Variants in PCM1 observed in about 807,000 individuals in gnomAD.
PCM1 encodes the protein pericentriolar material 1 protein.
A neutral mutation model predicts 241.9 loss-of-function variants in PCM1; 157 were observed. That is an observed-to-expected ratio of 0.65 (90% CI 0.57 to 0.74). PCM1 has a LOEUF of 0.74. Ranked by LOEUF, PCM1 falls within the 30% of genes least tolerant of loss-of-function variation. The pLI is 0.00. For missense variants in PCM1, 3,478 were observed against 2,360.1 expected (o/e 1.47, Z -9.81); for synonymous variants, 1,085 against 784.9 (o/e 1.38, Z -6.39).
At position 17,964,613 on chromosome 8, in the gene PCM1, A is replaced by T. The variant is rs774023888; in HGVS notation, c.2700A>T (p.Glu900Asp). The change falls in exon 18 of 39, where the codon GAA (glutamate) becomes GAT (aspartate). Residue 900 changes from glutamate to aspartate, a missense_variant. Physicochemically the swap from Glu to Asp is conservative, Grantham distance 45. Transcript: ENST00000325083. ...GGTCTACCCAGTGTGCACTAGATGA[A>T]GAAGGAGATGAAGACGGTTACCTTT... ...WGGSTQCALD[E>D]EGDEDGYLSE... 1.9e-6 allele frequency: 3 copies of T among 1,613,756 alleles called. No individual in the cohort carries two copies. In the South Asian group the frequency reaches 3.3e-5, roughly 18 times the overall value.
intron 30 of PCM1, among the ~76,000 whole-genome samples, chr8:18,006,720 A>C (rs1020429086): frequency 2.6e-5 from 4 of 152,188 alleles, no homozygotes; most frequent in Admixed American, 1.3e-4. Context: ...GCTGTTTCTA[A>C]AATAATTGGC....
rs373704730 is a variant in PCM1, at chr8:17,966,408, C to G, written c.3156C>G (p.His1052Gln). 2 of 1,613,386 alleles carry G rather than the reference C, an allele frequency of 1.2e-6. No homozygotes were observed. The highest frequency in any genetic ancestry group is 1.7e-5 in the Admixed American group (1 of 59,994). Residue 1052 changes from histidine (H) to glutamine (Q), a missense_variant, in exon 20 of 39, where the codon CAC becomes CAG. Physicochemically the swap from His to Gln is conservative, Grantham distance 24 (BLOSUM62 0). Coordinates refer to ENST00000325083, the MANE Select transcript of PCM1 (RefSeq NM_006197.4). ...GCAATGTTGCATCTCCTCAAGTACA[C>G]TTCATAATGCACCAGTTGAACCAGT... ...MPSNVASPQV[H>Q]FIMHQLNQCY...
intron 10 of PCM1, among the ~76,000 whole-genome samples, chr8:17,956,382 T>G (rs2068494503): frequency 6.6e-6 from 1 of 152,152 alleles, no homozygotes; most frequent in African/African-American, 2.4e-5. Context: ...TTCTTACACT[T>G]TTGTCCCTAA....
At chr8:17,982,494 A>G (rs933519201) in intron 24 of PCM1, 1 of 50,586 alleles carries the variant, frequency 2.0e-5, no homozygotes, top group African/African-American at 4.4e-5. Context: ...TGAAAAGATT[A>G]AAAAAAAAAT....
At chr8:17,962,489 A>G (rs1429452029) in intron 16 of PCM1, among the ~76,000 whole-genome samples, 1 of 152,196 alleles carries the variant, frequency 6.6e-6, no homozygotes, top group Non-Finnish European at 1.5e-5. Flanking sequence ...GGGTAGTTGC[A>G]GCAAATAGTA....
In PCM1 at chr8:18,009,658, G is replaced by A. The variant is rs777599229; in HGVS notation, c.5074G>A (p.Asp1692Asn). 1 of 1,582,042 alleles carries A rather than the reference G, an allele frequency of 6.3e-7. No homozygotes were observed. The highest frequency in any genetic ancestry group is 8.6e-7 in the Non-Finnish European group (1 of 1,164,178). The change falls in exon 31 of 39, where the codon GAT becomes AAT. Residue 1692 changes from aspartate (D) to asparagine (N), a missense_variant. Asp to Asn is a conservative substitution (Grantham distance 23). Coordinates refer to ENST00000325083, the MANE Select transcript of PCM1 (RefSeq NM_006197.4). ...ATTGGCTTTCTTTAAGCTTATGCAAGATTTGGATAATAATAGTATAACTGT... is the reference window on the plus strand; with the variant it reads ...ATTGGCTTTCTTTAAGCTTATGCAAAATTTGGATAATAATAGTATAACTGT... ...NELAFFKLMQ[D>N]LDNNSITVKQ...
chr8:17,946,851 G>GTA (rs2063977389), intron 6 of PCM1, among the ~76,000 whole-genome samples: 1 of 151,598 alleles, frequency 6.6e-6, no homozygotes, highest in East Asian at 2.0e-4. Flanking sequence ...GTGTGTGTGT[G>GTA]TGTGTGTGTG....
intron 22 of PCM1, among the ~76,000 whole-genome samples, chr8:17,970,542 GGTT>G (rs954539235): frequency 1.3e-5 from 2 of 149,598 alleles, no homozygotes; most frequent in African/African-American, 4.9e-5. Context: ...CCTTTTTTTT[GGTT>G]GTTCTATCTT....
At chr8:17,983,227 C>G in intron 24 of PCM1, 1 of 1,316,684 alleles carries the variant, frequency 7.6e-7, no homozygotes, top group Non-Finnish European at 1.0e-6. Flanking sequence ...CTGCCCTTTC[C>G]TACAGCACAT....
chr8:17,973,838 T>C (rs190339337), intron 23 of PCM1, among the ~76,000 whole-genome samples: 8 of 152,264 alleles, frequency 5.3e-5, no homozygotes, highest in African/African-American at 7.2e-5. Flanking sequence ...CATACAAGTA[T>C]AGTAAATGCC....
intron 24 of PCM1, chr8:17,982,391 T>TTA (rs1564146930): frequency 3.3e-5 from 5 of 152,182 alleles, no homozygotes. Flanking sequence ...TCAGGCCCTA[T>TTA]TACTGTTACT....
In PCM1 at chr8:18,029,580, CTTAT is replaced by C. The variant is rs3214089; in HGVS notation, c.*1921_*1924del. 0.47 allele frequency: 96,754 copies of C among 206,868 alleles called. 25,258 individuals are homozygous for C. The highest frequency in any genetic ancestry group is 0.6 in the Non-Finnish European group (60,598 of 101,408). The allele number at this position is 206,868 out of a possible 1,614,324, so 12.8% of individuals were successfully genotyped here. A position where few individuals can be genotyped will look rare whatever the true frequency, so the allele number is the denominator to read the frequency against. ...GTACCTATGAACCTTATCAAAATTG[CTTAT>C]TTGACTGGTGTTACAGCTGCTATTA... is the stretch of plus-strand genomic sequence containing the variant. On this transcript the variant is annotated 3_prime_UTR_variant, in exon 39 of 39. Transcript: ENST00000325083.
chr8:17,978,313 C>G (rs1046564875), intron 23 of PCM1, among the ~76,000 whole-genome samples: 1 of 151,914 alleles, frequency 6.6e-6, no homozygotes, highest in Admixed American at 6.6e-5. Flanking sequence ...CAAGCAATAA[C>G]TAAATAATAG....
Position 17,937,391 on chromosome 8 carries a change from AT to A in PCM1, c.342+17del. On this transcript the variant is annotated intron_variant, in intron 4 of 38. Coordinates refer to ENST00000325083, the MANE Select transcript of PCM1 (RefSeq NM_006197.4). ...GTGATTTAGATCAGGTTTGTGAATT[AT>A]TTTTAAAAATGAAGCTATTACTGTG... 6.4e-7 allele frequency: 1 copy of A among 1,559,360 alleles called. No homozygotes were observed. The highest frequency in any genetic ancestry group is 2.3e-5 in the East Asian group (1 of 43,604).
chr8:17,934,118 C>G (rs555651952), intron 2 of PCM1, among the ~76,000 whole-genome samples: 2 of 151,968 alleles, frequency 1.3e-5, no homozygotes, highest in East Asian at 1.9e-4. Context: ...AATAGATATT[C>G]TAGCATCAAA....
chr8:18,014,510 G>T, intron 35 of PCM1, 74 bp from the exon 36 acceptor site: 2 of 1,221,290 alleles, frequency 1.6e-6, no homozygotes, highest in Non-Finnish European at 2.3e-6. Context: ...CAGGCGTATT[G>T]TCTTTATTAG....
rs565676613 is a variant in PCM1 at position 17,967,165 on chromosome 8, C to T, written c.3407C>T (p.Ala1136Val). ...IPGFTNFSSFAPGMNFSPLFP... is the reference protein window; with the variant it reads ...IPGFTNFSSFVPGMNFSPLFP... Reference sequence around the variant, plus strand: ...GGATTTACTAACTTTTCATCATTTGCACCAGGTAGGTGACTTAACCTAAAG... The same window carrying T: ...GGATTTACTAACTTTTCATCATTTGTACCAGGTAGGTGACTTAACCTAAAG... The change falls in exon 21 of 39, where the codon GCA (alanine) becomes GTA (valine). Residue 1136 changes from alanine (A) to valine (V), a missense_variant. Physicochemically the swap from Ala to Val is moderately conservative, Grantham distance 64. Transcript: ENST00000325083. 1.6e-5 allele frequency: 25 copies of T among 1,584,040 alleles called. No homozygotes were observed. The highest frequency in any genetic ancestry group is 2.3e-5 in the East Asian group (1 of 44,204).
intron 17 of PCM1, among the ~76,000 whole-genome samples, chr8:17,963,946 C>T (rs1293075453): frequency 6.6e-6 from 1 of 152,106 alleles, no homozygotes. Flanking sequence ...TCCCAATATG[C>T]ATTTTACTGA....
intron 13 of PCM1, among the ~76,000 whole-genome samples, chr8:17,959,743 T>C (rs767104397): frequency 6.6e-6 from 1 of 152,210 alleles, no homozygotes; most frequent in Non-Finnish European, 1.5e-5. Context: ...TTTATTGATA[T>C]ACCGTAGCTT....
Sources: gnomAD v4.1 joint callset for allele counts (sites outside exome capture counted in the v4.1 genomes callset) on GRCh38, gnomAD v4.1.1 for gene constraint, MANE v1.5 for transcripts, NCBI Gene and HGNC (gene_info 2026-07-23, HGNC 2026-07-21) for gene names.